CORO1C: variants seen among roughly 807,000 people sequenced by gnomAD.
CORO1C encodes coronin 1C.
In CORO1C, 14 loss-of-function variants were observed where a neutral mutation model predicts 51.2. The observed-to-expected ratio is 0.27, with a 90% CI of 0.18 to 0.43. The LOEUF is 0.43. Among genes scored for constraint, CORO1C ranks in the 20% least tolerant of loss-of-function variants. CORO1C has a pLI of 1.00. For synonymous variants in CORO1C, 181 were observed against 210.5 expected (o/e 0.86, Z 1.21); for missense variants, 417 against 607.8 (o/e 0.69, Z 3.30).
chr12:108,661,493 T>C (rs747636918), intron 4 of CORO1C, among the ~76,000 whole-genome samples: 2 of 152,236 alleles, frequency 1.3e-5, no homozygotes, highest in Non-Finnish European at 2.9e-5. Flanking sequence ...ATCAAAAAAG[T>C]AATAATGATC....
At chr12:108,661,940 A>G in intron 4 of CORO1C, 89 bp downstream of exon 4, 2 of 1,472,770 alleles carry the variant, frequency 1.4e-6, no homozygotes, top group South Asian at 2.3e-5. Flanking sequence ...AAAACCATAT[A>G]GCACACAACC....
At chr12:108,671,281 T>C (rs537600133) in intron 3 of CORO1C, among the ~76,000 whole-genome samples, 4 of 151,904 alleles carry the variant, frequency 2.6e-5, no homozygotes, top group Admixed American at 2.6e-4. Flanking sequence ...GGCATGATCG[T>C]GCCACTGTAC....
At chr12:108,661,977 G>C (rs1287383652) in intron 4 of CORO1C, 52 bp downstream of exon 4, 1 of 1,607,246 alleles carries the variant, frequency 6.2e-7, no homozygotes, top group Non-Finnish European at 8.5e-7. Flanking sequence ...CCCCCACTCA[G>C]AGAGCCACAA....
At chr12:108,648,514 G>A in intron 10 of CORO1C, 91 bp downstream of exon 10, 2 of 1,553,176 alleles carry the variant, frequency 1.3e-6, no homozygotes, top group African/African-American at 1.4e-5. Flanking sequence ...ACCCAGCTGG[G>A]ACAGTACTCG....
intron 3 of CORO1C, among the ~76,000 whole-genome samples, chr12:108,662,960 G>T (rs1213909807): frequency 6.6e-6 from 1 of 151,808 alleles, no homozygotes; most frequent in Non-Finnish European, 1.5e-5. Context: ...AATATAGAAA[G>T]AACTCTTAGA....
intron 7 of CORO1C, among the ~76,000 whole-genome samples, chr12:108,653,312 C>G (rs1592845416): frequency 6.6e-6 from 1 of 152,172 alleles, no homozygotes; most frequent in South Asian, 2.1e-4. Flanking sequence ...AGGGCAACAA[C>G]AGCAAGGTAA....
At chr12:108,720,744 C>A (rs1224977498) in intron 1 of CORO1C, among the ~76,000 whole-genome samples, 1 of 151,848 alleles carries the variant, frequency 6.6e-6, no homozygotes, top group African/African-American at 2.4e-5. Flanking sequence ...AGGATGGTCT[C>A]GACATCCTGA....
In CORO1C at chr12:108,679,793, C is replaced by T. The variant is rs540645708; in HGVS notation, c.196-1399G>A. 3.9e-5 allele frequency among the ~76,000 whole-genome samples: 6 copies of T among 152,304 alleles called. No homozygotes were observed. In the East Asian group the frequency reaches 5.8e-4, roughly 15 times the overall value. On this transcript the variant is annotated intron_variant, in intron 2 of 10. Coordinates refer to ENST00000261401, the MANE Select transcript of CORO1C (RefSeq NM_014325.4). The stretch of plus-strand genomic sequence containing the variant: ...TCAAATCCAGGCTCTACTGATTAAA[C>T]AGGTGACTTTAGACAAGTCATGTAA...
rs1197389535 is a variant in CORO1C, at chr12:108,658,997, G to A, written c.449-78C>T. ...ACACTCAGAAAACTACAGATACAGT[G>A]AGAATACACATATGTATATGCAGAG... On this transcript the variant is annotated intron_variant, in intron 4 of 10. Coordinates refer to ENST00000261401, the MANE Select transcript of CORO1C (RefSeq NM_014325.4). The surrounding 1 kb of genome is among the most constrained non-coding windows in gnomAD (Gnocchi z 4.9). 7.0e-7 allele frequency: 1 copy of A among 1,432,592 alleles called. No individual in the cohort carries two copies. The highest frequency in any genetic ancestry group is 2.3e-5 in the East Asian group (1 of 43,484). 88.7% of individuals were successfully genotyped at this position (1,432,592 alleles called of 1,614,324 possible).
chr12:108,712,380 C>A (rs1359476865), intron 1 of CORO1C, among the ~76,000 whole-genome samples: 1 of 151,802 alleles, frequency 6.6e-6, no homozygotes, highest in African/African-American at 2.4e-5. Context: ...TCGAGACCAG[C>A]CTGGCCAACA....
rs2035720183 is a variant in CORO1C at position 108,731,372 on chromosome 12, C to G, written c.-6+57G>C. The G allele has an allele frequency of 6.6e-6, 1 of 152,624 alleles. No individual in the cohort carries two copies. Among genetic ancestry groups the G allele is most frequent in the Admixed American group, 6.5e-5 (1 of 15,288 alleles). The allele number at this position is 152,624 out of a possible 1,614,324, so 9.5% of individuals were successfully genotyped here. On this transcript the variant is annotated intron_variant, in intron 1 of 10. Transcript: ENST00000261401. This position sits in a 1 kb window ranked among gnomAD's most constrained non-coding sequence, Gnocchi z 5.2. ...GCGGCGCAGGCACATGCTCAGAGGACAGGTCCGCCCGCCCGACTCGCTCTC... is the reference window on the plus strand; with the variant it reads ...GCGGCGCAGGCACATGCTCAGAGGAGAGGTCCGCCCGCCCGACTCGCTCTC...
rs984097918 is a variant in CORO1C, at chr12:108,660,593, C to T, written c.448+1436G>A. On this transcript the variant is annotated intron_variant, in intron 4 of 10. Coordinates refer to ENST00000261401, the MANE Select transcript of CORO1C (RefSeq NM_014325.4). ...CTATAGGCAAACAGGTAACTTCAGC[C>T]CCGGCAGCTGGATCATATAGCCTAA... 3.3e-5 allele frequency among the ~76,000 whole-genome samples: 5 copies of T among 152,270 alleles called. No individual in the cohort carries two copies. The East Asian group carries it at 7.7e-4, about 23-fold the overall frequency.
chr12:108,704,951 T>A (rs2034985313), intron 1 of CORO1C, among the ~76,000 whole-genome samples: 1 of 152,224 alleles, frequency 6.6e-6, no homozygotes, highest in African/African-American at 2.4e-5. Context: ...GAAGTGATCA[T>A]TAAATGATCA....
At chr12:108,662,188 A>G (rs1260696882) in intron 3 of CORO1C, 30 bp from the exon 4 acceptor site, 3 of 1,606,570 alleles carry the variant, frequency 1.9e-6, no homozygotes, top group Admixed American at 3.3e-5. Flanking sequence ...GATGATCCAC[A>G]TGAAAGCTAT....
chr12:108,663,423 C>T (rs1236714177), intron 3 of CORO1C, among the ~76,000 whole-genome samples: 1 of 152,222 alleles, frequency 6.6e-6, no homozygotes, highest in African/African-American at 2.4e-5. Flanking sequence ...AAGGTGGAAA[C>T]AACCCAAATA....
chr12:108,722,597 C>T (rs1278326392), intron 1 of CORO1C, among the ~76,000 whole-genome samples: 1 of 152,200 alleles, frequency 6.6e-6, no homozygotes, highest in Non-Finnish European at 1.5e-5. Flanking sequence ...AGGCTGGGAA[C>T]GTACCCACCA....
intron 2 of CORO1C, among the ~76,000 whole-genome samples, chr12:108,681,718 G>A (rs796283435): frequency 5.3e-5 from 8 of 152,294 alleles, no homozygotes; most frequent in African/African-American, 1.9e-4. Flanking sequence ...TCTTAGATTT[G>A]TCTCAAAGAA....
chr12:108,727,179 T>C (rs1483045677), intron 1 of CORO1C, among the ~76,000 whole-genome samples: 1 of 152,246 alleles, frequency 6.6e-6, no homozygotes, highest in Non-Finnish European at 1.5e-5. Context: ...CATTCTGCCT[T>C]GTATGGAAAG....
intron 1 of CORO1C, among the ~76,000 whole-genome samples, chr12:108,719,213 G>A (rs898055914): frequency 6.6e-6 from 1 of 152,204 alleles, no homozygotes; most frequent in African/African-American, 2.4e-5. Flanking sequence ...ATGAAAGTAG[G>A]ACAAATAATT....
Sources: allele counts gnomAD v4.1 joint callset (sites outside exome capture counted in the v4.1 genomes callset), GRCh38; gene constraint gnomAD v4.1.1; non-coding constraint Gnocchi (gnomAD v3.1); transcripts MANE v1.5; gene names NCBI Gene and HGNC (gene_info 2026-07-23, HGNC 2026-07-21).